Variants in ALX4 observed in about 807,000 individuals in gnomAD.
ALX4 encodes the protein homeobox protein aristaless-like 4.
In ALX4, 22 loss-of-function variants were observed where a neutral mutation model predicts 40.6. That is an observed-to-expected ratio of 0.54 (90% CI 0.39 to 0.77). ALX4 has a LOEUF of 0.77. Among genes scored for constraint, ALX4 ranks in the 30% least tolerant of loss-of-function variants. The pLI is 0.00. For synonymous variants in ALX4, 266 were observed against 240.5 expected (o/e 1.11, Z -0.98); for missense variants, 556 against 564.8 (o/e 0.98, Z 0.16).
chr11:44,303,783 C>T (rs1347631020), intron 1 of ALX4, among the ~76,000 whole-genome samples: 1 of 152,250 alleles, frequency 6.6e-6, no homozygotes, highest in African/African-American at 2.4e-5. Context: ...ACAGTGGAAG[C>T]TTCTTCCGCA....
At chr11:44,294,135 G>A (rs1306376913) in intron 1 of ALX4, among the ~76,000 whole-genome samples, 3 of 152,202 alleles carry the variant, frequency 2.0e-5, no homozygotes, top group South Asian at 2.1e-4. Flanking sequence ...TTGGCTTCAG[G>A]AGATCTGGGT....
At chr11:44,267,431 G>A (rs1270233003) in intron 3 of ALX4, 63 bp downstream of exon 3, 1 of 1,603,766 alleles carries the variant, frequency 6.2e-7, no homozygotes, top group South Asian at 1.1e-5. Flanking sequence ...TCTCCTCCAA[G>A]GGGCTCATTC....
intron 1 of ALX4, among the ~76,000 whole-genome samples, chr11:44,285,369 CTATTT>C (rs1361385938): frequency 1.3e-5 from 2 of 152,236 alleles, no homozygotes; most frequent in Non-Finnish European, 2.9e-5. Flanking sequence ...AGAACAATCA[CTATTT>C]TATTTAATCC....
chr11:44,271,943 C>T (rs1443807713), intron 2 of ALX4, among the ~76,000 whole-genome samples: 1 of 152,200 alleles, frequency 6.6e-6, no homozygotes, highest in East Asian at 1.9e-4. Flanking sequence ...ACAGGTTTAT[C>T]CCACACCAAC....
At position 44,275,547 on chromosome 11, in the gene ALX4, C is replaced by G; in HGVS notation, c.578G>C (p.Arg193Pro). The G allele has an allele frequency of 3.1e-6, 5 of 1,614,166 alleles. No individual in the cohort carries two copies. The highest frequency in any genetic ancestry group is 4.2e-6 in the Non-Finnish European group (5 of 1,180,008). ...TGGGCTGGGGAGGTCTGAGCTGGCC[C>G]GGTCCTGGGGCCCCTTCACCCCAGC... ...KEAGVKGPQD[R>P]ASSDLPSPLE... Residue 193 changes from arginine (R) to proline (P), a missense_variant, in exon 2 of 4, where the codon CGG becomes CCG. Arg to Pro is a moderately radical substitution (Grantham distance 103). Coordinates refer to ENST00000652299, the MANE Select transcript of ALX4 (RefSeq NM_021926.4).
intron 1 of ALX4, among the ~76,000 whole-genome samples, chr11:44,306,011 T>A (rs1302052107): frequency 6.6e-6 from 1 of 152,190 alleles, no homozygotes; most frequent in African/African-American, 2.4e-5. Context: ...GCTCTCTGCG[T>A]CGCTGAGAAA....
At position 44,309,833 on chromosome 11, in the gene ALX4, A is replaced by G. The variant is rs1458033088; in HGVS notation, c.230T>C (p.Leu77Pro). The G allele has an allele frequency of 5.8e-6, 9 of 1,554,902 alleles. No homozygotes were observed. Among genetic ancestry groups the G allele is most frequent in the Non-Finnish European group, 7.8e-6 (9 of 1,148,972 alleles). Residue 77 changes from leucine (L) to proline (P), a missense_variant, in exon 1 of 4, where the codon CTG becomes CCG. Coordinates refer to ENST00000652299, the MANE Select transcript of ALX4 (RefSeq NM_021926.4). ...GCCCCGCGCCCCAGCTCCACTCTCC[A>G]GGGGTGTCGCCAGGTCCTGCTGCCC... ...GAGQQDLATPLESGAGARGSF... is the reference protein window; with the variant it reads ...GAGQQDLATPPESGAGARGSF...
Position 44,268,699 on chromosome 11 carries a change from T to A in ALX4, c.778-1077A>T, listed in dbSNP as rs151162422. On this transcript the variant is annotated intron_variant, in intron 2 of 3. Coordinates refer to ENST00000652299, the MANE Select transcript of ALX4 (RefSeq NM_021926.4). The stretch of plus-strand genomic sequence containing the variant: ...CATGACTTAGGATCTGGAGAAGGGG[T>A]GATGGGGACGGGGTGGGTGAGAGAG... Among the ~76,000 whole-genome samples the A allele has an allele frequency of 6.7e-4, 101 of 151,762 alleles. 1 individual carries two copies. In the East Asian group the frequency reaches 0.011, roughly 17 times the overall value.
At position 44,267,422 on chromosome 11, in the gene ALX4, C is replaced by G. The variant is rs1017332945; in HGVS notation, c.906+72G>C. ...TAAGTCATCTCGGGGTGCCTGGGCT[C>G]TCCTCCAAGGGGCTCATTCTCAGAG... On this transcript the variant is annotated intron_variant, in intron 3 of 3. Transcript: ENST00000652299. 27 of 1,592,842 alleles carry G rather than the reference C, an allele frequency of 1.7e-5. No individual in the cohort carries two copies. In the Middle Eastern group the frequency reaches 7.7e-4, roughly 45 times the overall value.
rs777213803 is a variant in ALX4, at chr11:44,309,904, T to C, written c.159A>G (p.Lys53=). 5.7e-6 allele frequency: 9 copies of C among 1,587,332 alleles called. No individual in the cohort carries two copies. The highest frequency in any genetic ancestry group is 7.7e-6 in the Non-Finnish European group (9 of 1,166,314). ...TCTTGGCGTCCCCGAATCCCTGTGC[T>C]TTGGCGGCGGCCGACAGGAAAGTTG... is the stretch of plus-strand genomic sequence containing the variant. ...FGTTFLSAAA[K]AQGFGDAKSR... is the part of the protein sequence containing the mutation. Residue 53 remains lysine (K), a synonymous_variant, in exon 1 of 4, where the codon AAA becomes AAG. Transcript: ENST00000652299.
chr11:44,284,434 T>C (rs1956327015), intron 1 of ALX4, among the ~76,000 whole-genome samples: 1 of 152,208 alleles, frequency 6.6e-6, no homozygotes, highest in South Asian at 2.1e-4. Context: ...CTTTAAACAA[T>C]ATAAGTATAT....
intron 1 of ALX4, among the ~76,000 whole-genome samples, chr11:44,283,247 CA>C (rs35704210): frequency 0.39 from 38,733 of 100,104 alleles, 5,794 homozygotes; most frequent in South Asian, 0.54. Flanking sequence ...AACTCCATCT[CA>C]AAAAAAAAAA....
Position 44,267,626 on chromosome 11 carries a change from C to T in ALX4, c.778-4G>A, listed in dbSNP as rs1200071069. On this transcript the variant is annotated splice_region_variant and splice_polypyrimidine_tract_variant and intron_variant, in intron 2 of 3. Transcript: ENST00000652299. Reference sequence around the variant, plus strand: ...CCCTTCGGTTCTGGAACCAGACCTACAAGACGCGAAAAAGCCATTGTCACC... The same window carrying T: ...CCCTTCGGTTCTGGAACCAGACCTATAAGACGCGAAAAAGCCATTGTCACC... The T allele has an allele frequency of 6.2e-7, 1 of 1,614,134 alleles. No individual in the cohort carries two copies. Among genetic ancestry groups the T allele is most frequent in the South Asian group, 1.1e-5 (1 of 91,080 alleles).
intron 1 of ALX4, among the ~76,000 whole-genome samples, chr11:44,299,338 C>A (rs1427168771): frequency 6.7e-6 from 1 of 150,014 alleles, no homozygotes; most frequent in African/African-American, 2.5e-5. Flanking sequence ...CTGAGAAGAA[C>A]GCTTTGGGGG....
chr11:44,304,884 C>T (rs561104181), intron 1 of ALX4, among the ~76,000 whole-genome samples: 1 of 152,188 alleles, frequency 6.6e-6, no homozygotes, highest in Non-Finnish European at 1.5e-5. Context: ...CGGCTCAGGG[C>T]TTGGTGACTC....
intron 1 of ALX4, among the ~76,000 whole-genome samples, chr11:44,304,744 GA>G (rs34464397): frequency 1.3e-5 from 2 of 152,258 alleles, no homozygotes; most frequent in Non-Finnish European, 2.9e-5. Context: ...CTGAGACCGA[GA>G]AGAAGGGACG....
intron 1 of ALX4, among the ~76,000 whole-genome samples, chr11:44,300,098 C>G (rs1291518221): frequency 6.6e-6 from 1 of 152,188 alleles, no homozygotes; most frequent in Non-Finnish European, 1.5e-5. Flanking sequence ...CCAGGCCTGG[C>G]ATCCCAGACT....
intron 2 of ALX4, among the ~76,000 whole-genome samples, chr11:44,270,348 C>T (rs1165264906): frequency 1.3e-5 from 2 of 151,402 alleles, no homozygotes; most frequent in South Asian, 2.1e-4. Flanking sequence ...TGGTGAGAGG[C>T]GGGTGAGCGA....
intron 1 of ALX4, among the ~76,000 whole-genome samples, chr11:44,282,608 G>A (rs1246430236): frequency 6.6e-6 from 1 of 152,218 alleles, no homozygotes; most frequent in Non-Finnish European, 1.5e-5. Context: ...GGAGACGCAA[G>A]CTGTGGTCTA....
Sources: gnomAD v4.1 joint callset for allele counts (sites outside exome capture counted in the v4.1 genomes callset) on GRCh38, gnomAD v4.1.1 for gene constraint, MANE v1.5 for transcripts, NCBI Gene and HGNC (gene_info 2026-07-23, HGNC 2026-07-21) for gene names.